STARD13: variants seen among roughly 807,000 people sequenced by gnomAD.
The protein encoded by STARD13 is stAR-related lipid transfer protein 13.
In STARD13, 62 loss-of-function variants were observed where a neutral mutation model predicts 106.4. The observed-to-expected ratio is 0.58, with a 90% CI of 0.48 to 0.72. The LOEUF is 0.72. STARD13 is among the 30% of genes least tolerant of loss of function. STARD13 has a pLI of 0.00. For synonymous variants in STARD13, 565 were observed against 553.0 expected, an observed-to-expected ratio of 1.02 and a Z score of -0.31; for missense variants, 1,387 against 1,424.0, an observed-to-expected ratio of 0.97 and a Z score of 0.42.
chr13:33,462,063 C>T, the STARD13 span, among the ~76,000 whole-genome samples: 2 of 152,216 alleles, frequency 1.3e-5, no homozygotes, highest in Non-Finnish European at 2.9e-5. Context: ...TCCCACCTCT[C>T]TCTCACAAAC....
chr13:33,311,498 C>G (rs1893136536), intron 1 of STARD13, among the ~76,000 whole-genome samples: 1 of 152,154 alleles, frequency 6.6e-6, no homozygotes, highest in African/African-American at 2.4e-5. Flanking sequence ...CTTGGGAAGC[C>G]TACTTAATCT....
At chr13:33,447,580 A>G in the STARD13 span, among the ~76,000 whole-genome samples, 1 of 152,246 alleles carries the variant, frequency 6.6e-6, no homozygotes, top group African/African-American at 2.4e-5. Context: ...GGAAAATGTC[A>G]TGCTTATCTG....
rs535396483 is a variant in STARD13 at position 33,235,066 on chromosome 13, G to A, written c.169+50404C>T. 6.6e-5 allele frequency among the ~76,000 whole-genome samples: 10 copies of A among 152,278 alleles called. No homozygotes were observed. In the South Asian group the frequency reaches 8.3e-4, roughly 13 times the overall value. On this transcript the variant is annotated intron_variant, in intron 1 of 13. Transcript: ENST00000336934. ...TTAGTACAGTGGTTTTCAAAGTGGC[G>A]TCTTCAAACTAGCATCAGGAATGCT... is the stretch of plus-strand genomic sequence containing the variant.
intron 1 of STARD13, among the ~76,000 whole-genome samples, chr13:33,349,793 C>G (rs553859598): frequency 5.3e-5 from 8 of 152,224 alleles, no homozygotes; most frequent in East Asian, 3.9e-4. Flanking sequence ...CCCTCTACCC[C>G]CGAGTGGCTG....
At chr13:33,116,561 C>T (rs1281176492) in intron 8 of STARD13, among the ~76,000 whole-genome samples, 1 of 152,206 alleles carries the variant, frequency 6.6e-6, no homozygotes, top group Admixed American at 6.5e-5. Context: ...TTGCTTGTGA[C>T]TCAGAAAGGG....
At chr13:33,404,853 T>C in the STARD13 span, among the ~76,000 whole-genome samples, 2 of 150,176 alleles carry the variant, frequency 1.3e-5, no homozygotes, top group African/African-American at 2.5e-5. Context: ...CTCCGCTCAC[T>C]GCAACCTCGG....
chr13:33,294,077 T>C (rs1892395584), intron 1 of STARD13, among the ~76,000 whole-genome samples: 4 of 152,176 alleles, frequency 2.6e-5, no homozygotes, highest in African/African-American at 9.7e-5. Context: ...TTGTGAAAAT[T>C]AGGGAGCCTG....
chr13:33,315,881 C>G (rs1893313544), intron 1 of STARD13, among the ~76,000 whole-genome samples: 1 of 152,000 alleles, frequency 6.6e-6, no homozygotes, highest in South Asian at 2.1e-4. Context: ...TGATTGCTAT[C>G]CAAGAACCAG....
At chr13:33,453,160 A>G in the STARD13 span, among the ~76,000 whole-genome samples, 1 of 152,240 alleles carries the variant, frequency 6.6e-6, no homozygotes, top group Non-Finnish European at 1.5e-5. Flanking sequence ...AAGATTATAC[A>G]AGATTGTAGT....
upstream of STARD13, among the ~76,000 whole-genome samples, chr13:33,288,766 A>G (rs1892175722): frequency 6.6e-6 from 1 of 152,144 alleles, no homozygotes; most frequent in African/African-American, 2.4e-5. Context: ...TCATAGTTCA[A>G]GTAGTATCTA....
At chr13:33,628,178 CACACACACACACA>C in the STARD13 span, among the ~76,000 whole-genome samples, 9 of 151,576 alleles carry the variant, frequency 5.9e-5, 1 homozygote, top group African/African-American at 2.2e-4. Context: ...CACACACACA[CACACACACACACA>C]CCACATGCAT....
At chr13:33,242,870 G>A (rs1278014515) in intron 1 of STARD13, among the ~76,000 whole-genome samples, 1 of 152,112 alleles carries the variant, frequency 6.6e-6, no homozygotes, top group African/African-American at 2.4e-5. Flanking sequence ...GGCTTAGCTG[G>A]TGTGTCTTTG....
At chr13:33,665,908 A>T in the STARD13 span, among the ~76,000 whole-genome samples, 1 of 152,174 alleles carries the variant, frequency 6.6e-6, no homozygotes, top group Non-Finnish European at 1.5e-5. Context: ...AGTCAATGTC[A>T]CTCAGCTGGC....
At chr13:33,548,491 C>G in the STARD13 span, among the ~76,000 whole-genome samples, 339 of 152,206 alleles carry the variant, frequency 2.2e-3, no homozygotes, top group Non-Finnish European at 3.8e-3. Flanking sequence ...AATGTGATGC[C>G]TGATTCATAA....
the STARD13 span, among the ~76,000 whole-genome samples, chr13:33,648,113 A>G: frequency 2.6e-5 from 4 of 152,228 alleles, no homozygotes; most frequent in African/African-American, 9.6e-5. Context: ...ATGACAAACA[A>G]GCCTACATGA....
chr13:33,404,866 T>C, the STARD13 span, among the ~76,000 whole-genome samples: 1 of 148,740 alleles, frequency 6.7e-6, no homozygotes, highest in Non-Finnish European at 1.5e-5. Flanking sequence ...AACCTCGGCC[T>C]CCCAGGTTCA....
chr13:33,226,917 T>C (rs1470779667), intron 1 of STARD13, among the ~76,000 whole-genome samples: 1 of 152,238 alleles, frequency 6.6e-6, no homozygotes, highest in Non-Finnish European at 1.5e-5. Context: ...TTTAAAGATT[T>C]TTAGGGATCT....
At chr13:33,424,297 A>C in the STARD13 span, among the ~76,000 whole-genome samples, 8 of 152,264 alleles carry the variant, frequency 5.3e-5, no homozygotes, top group Non-Finnish European at 1.2e-4. Flanking sequence ...GATTACTTCC[A>C]GCTGAGATCT....
At chr13:33,657,192 C>T in the STARD13 span, among the ~76,000 whole-genome samples, 2 of 152,168 alleles carry the variant, frequency 1.3e-5, no homozygotes, top group African/African-American at 2.4e-5. Flanking sequence ...ATGGTGTGAA[C>T]CCGGGAGGCA....
Sources: allele counts gnomAD v4.1 joint callset (sites outside exome capture counted in the v4.1 genomes callset), GRCh38; gene constraint gnomAD v4.1.1; transcripts MANE v1.5; gene names NCBI Gene and HGNC (gene_info 2026-07-23, HGNC 2026-07-21).